The following CDH2 variants were observed in gnomAD, a reference collection of about 807,000 sequenced individuals.
CDH2 encodes the protein cadherin-2.
In CDH2, 17 loss-of-function variants were observed where a neutral mutation model predicts 92.0. That is an observed-to-expected ratio of 0.18 (90% CI 0.13 to 0.28). The LOEUF is 0.28. Among genes scored for constraint, CDH2 ranks in the 10% least tolerant of loss-of-function variants. The pLI is 1.00. For missense variants in CDH2, 862 were observed against 1,133.1 expected (o/e 0.76, Z 3.44); for synonymous variants, 419 against 415.9 (o/e 1.01, Z -0.09).
Position 27,990,348 on chromosome 18 carries a change from T to C in CDH2, c.1347A>G (p.Pro449=). The C allele has an allele frequency of 6.2e-7, 1 of 1,606,004 alleles. No homozygotes were observed. The highest frequency in any genetic ancestry group is 8.5e-7 in the Non-Finnish European group (1 of 1,174,092). Residue 449 remains proline, a splice_region_variant and synonymous_variant, in exon 10 of 16, where the codon CCA becomes CCG. Coordinates refer to ENST00000269141, the MANE Select transcript of CDH2 (RefSeq NM_001792.5). ...ACATCCTATTTGTTTCAAAGTCGAT[T>C]GGCTGGAAAATAAAAGGGAAGCCAT... is the stretch of plus-strand genomic sequence containing the variant. ...SNDGLVTVVK[P]IDFETNRMFV...
intron 7 of CDH2, among the ~76,000 whole-genome samples, chr18:27,997,921 C>T (rs1033461446): frequency 1.1e-4 from 17 of 152,230 alleles, no homozygotes; most frequent in African/African-American, 2.9e-4. Flanking sequence ...ATTCTCCTGC[C>T]TCAGCCTCCC....
intron 4 of CDH2, among the ~76,000 whole-genome samples, 163 bp from the exon 5 acceptor site, chr18:28,010,035 C>T (rs931233209): frequency 3.3e-5 from 5 of 152,188 alleles, no homozygotes; most frequent in African/African-American, 1.2e-4. Flanking sequence ...CTCTGCTTCT[C>T]AGTGACAGGC....
intron 2 of CDH2, among the ~76,000 whole-genome samples, chr18:28,128,411 C>A (rs1367533384): frequency 6.6e-6 from 1 of 152,100 alleles, no homozygotes; most frequent in Non-Finnish European, 1.5e-5. Context: ...CTAGTGACTG[C>A]TGACAGGGCA....
intron 6 of CDH2, among the ~76,000 whole-genome samples, chr18:27,938,063 C>T (rs1203569889): frequency 2.0e-5 from 3 of 151,928 alleles, no homozygotes; most frequent in South Asian, 2.1e-4. Context: ...GCTGTCCTCG[C>T]GATAGTGAGT....
chr18:28,051,319 C>A (rs541535931), intron 2 of CDH2, among the ~76,000 whole-genome samples: 1 of 152,182 alleles, frequency 6.6e-6, no homozygotes, highest in Admixed American at 6.5e-5. Flanking sequence ...TGTAATACCA[C>A]AAAATAGATA....
At chr18:28,127,781 A>C (rs1361030140) in intron 2 of CDH2, among the ~76,000 whole-genome samples, 10 of 152,202 alleles carry the variant, frequency 6.6e-5, no homozygotes, top group Admixed American at 6.5e-4. Flanking sequence ...AGGGACACAA[A>C]TGTGTGACAT....
At chr18:28,023,843 C>G (rs1346161654) in intron 2 of CDH2, among the ~76,000 whole-genome samples, 1 of 152,052 alleles carries the variant, frequency 6.6e-6, no homozygotes, top group Non-Finnish European at 1.5e-5. Flanking sequence ...GTGACATGCC[C>G]TCACTGCCTG....
At chr18:28,077,928 G>T in intron 2 of CDH2, among the ~76,000 whole-genome samples, 1 of 142,768 alleles carries the variant, frequency 7.0e-6, no homozygotes. Context: ...GGAAAGAAAA[G>T]GAAAAGTGAA....
intron 2 of CDH2, among the ~76,000 whole-genome samples, chr18:28,060,130 G>T (rs1392108780): frequency 6.6e-6 from 1 of 150,890 alleles, no homozygotes; most frequent in East Asian, 2.0e-4. Context: ...TCATCACTTA[G>T]ATCCACTATT....
At chr18:28,050,228 C>T (rs1032350291) in intron 2 of CDH2, among the ~76,000 whole-genome samples, 1 of 152,178 alleles carries the variant, frequency 6.6e-6, no homozygotes, top group Non-Finnish European at 1.5e-5. Context: ...ATCAACAACA[C>T]ATCATCACAA....
chr18:28,057,916 A>T (rs767143573), intron 2 of CDH2, among the ~76,000 whole-genome samples: 38 of 152,124 alleles, frequency 2.5e-4, no homozygotes, highest in Non-Finnish European at 5.0e-4. Flanking sequence ...GAGTAGAAAA[A>T]ATAATACAAG....
At chr18:28,057,566 T>C (rs772266716) in intron 2 of CDH2, among the ~76,000 whole-genome samples, 2 of 151,688 alleles carry the variant, frequency 1.3e-5, no homozygotes, top group Non-Finnish European at 2.9e-5. Context: ...TACTGGGTAG[T>C]CGAGGCAGGA....
intron 14 of CDH2, among the ~76,000 whole-genome samples, chr18:27,973,494 C>A (rs1280544736): frequency 6.6e-6 from 1 of 152,074 alleles, no homozygotes; most frequent in East Asian, 1.9e-4. Context: ...GTTTCTCATG[C>A]CTATACAGTG....
At chr18:28,077,791 T>G (rs1170384391) in intron 2 of CDH2, among the ~76,000 whole-genome samples, 1 of 146,846 alleles carries the variant, frequency 6.8e-6, no homozygotes, top group Non-Finnish European at 1.5e-5. Context: ...CTCAGGAGGC[T>G]GAGGCAGGAG....
intron 2 of CDH2, among the ~76,000 whole-genome samples, chr18:28,141,635 G>C (rs1016739153): frequency 6.6e-6 from 1 of 151,804 alleles, no homozygotes; most frequent in Non-Finnish European, 1.5e-5. Flanking sequence ...CCTCCTACCT[G>C]GTCTCCCCTT....
chr18:28,111,632 A>G (rs913753037), intron 2 of CDH2, among the ~76,000 whole-genome samples: 1 of 152,164 alleles, frequency 6.6e-6, no homozygotes, highest in Non-Finnish European at 1.5e-5. Flanking sequence ...TTTTGAGTGA[A>G]GTCAAACCCT....
At chr18:28,095,199 GTAT>G (rs2015110043) in intron 2 of CDH2, among the ~76,000 whole-genome samples, 1 of 152,068 alleles carries the variant, frequency 6.6e-6, no homozygotes, top group Non-Finnish European at 1.5e-5. Flanking sequence ...GCTTCGGAGA[GTAT>G]TCAGACATCT....
At chr18:28,076,807 T>C (rs1041300812) in intron 2 of CDH2, among the ~76,000 whole-genome samples, 3 of 150,886 alleles carry the variant, frequency 2.0e-5, no homozygotes, top group Non-Finnish European at 4.4e-5. Flanking sequence ...TTGAGAAACA[T>C]TGTTTTCAGG....
chr18:28,155,781 C>G (rs2016200044), intron 1 of CDH2, among the ~76,000 whole-genome samples: 1 of 152,146 alleles, frequency 6.6e-6, no homozygotes, highest in African/African-American at 2.4e-5. Context: ...CAATTTCTCA[C>G]CATACAATTA....
Sources: allele counts gnomAD v4.1 joint callset (sites outside exome capture counted in the v4.1 genomes callset), GRCh38; gene constraint gnomAD v4.1.1; transcripts MANE v1.5; gene names NCBI Gene and HGNC (gene_info 2026-07-23, HGNC 2026-07-21).